The following SS18 variants were observed in gnomAD, a reference collection of about 807,000 sequenced individuals.
SS18 encodes protein SSXT.
In SS18, 28 loss-of-function variants were observed where a neutral mutation model predicts 72.5. The ratio of observed to expected loss-of-function variants is 0.39; its 90% CI spans 0.29 to 0.53. SS18 has a LOEUF of 0.53. Among genes scored for constraint, SS18 ranks in the 20% least tolerant of loss-of-function variants. The probability of loss-of-function intolerance (pLI) is 0.76; values close to 1 mark genes in which losing one functional copy is unlikely to be tolerated. For synonymous variants in SS18, 172 were observed against 164.2 expected (o/e 1.05, Z -0.37); for missense variants, 518 against 535.3 (o/e 0.97, Z 0.32).
chr18:26,050,435 AAATG>A (rs1195153462), intron 5 of SS18, among the ~76,000 whole-genome samples: 1 of 152,142 alleles, frequency 6.6e-6, no homozygotes, highest in Non-Finnish European at 1.5e-5. Flanking sequence ...TTTTATAATG[AAATG>A]AATATTAAAA....
At position 26,035,311 on chromosome 18, in the gene SS18, T is replaced by G; in HGVS notation, c.974-184A>C. On this transcript the variant is annotated intron_variant, in intron 8 of 10. Transcript: ENST00000415083. The surrounding 1 kb of genome is among the most constrained non-coding windows in gnomAD (Gnocchi z 4.4). ...GGATTTCGGCCAAACAAACTGCAGTTAAAGCCAATTTTGCAAGGTTGAACT... is the reference window on the plus strand; with the variant it reads ...GGATTTCGGCCAAACAAACTGCAGTGAAAGCCAATTTTGCAAGGTTGAACT... 7.4e-6 allele frequency: 5 copies of G among 676,802 alleles called. No homozygotes were observed. The highest frequency in any genetic ancestry group is 9.3e-6 in the Non-Finnish European group (4 of 432,074). The allele number at this position is 676,802 out of a possible 1,614,324, so 41.9% of individuals were successfully genotyped here.
At chr18:26,064,406 G>C (rs941684212) in intron 3 of SS18, among the ~76,000 whole-genome samples, 3 of 151,960 alleles carry the variant, frequency 2.0e-5, no homozygotes, top group African/African-American at 4.8e-5. Context: ...ATCAAATCCA[G>C]ACTTATTAAA....
At chr18:26,029,176 G>A (rs776647265) in intron 10 of SS18, among the ~76,000 whole-genome samples, 4 of 152,184 alleles carry the variant, frequency 2.6e-5, no homozygotes, top group South Asian at 2.1e-4. Flanking sequence ...CAGTGTGACT[G>A]AAGCAGAGTG....
chr18:26,057,123 A>G (rs997974512), intron 4 of SS18, among the ~76,000 whole-genome samples: 5 of 152,258 alleles, frequency 3.3e-5, no homozygotes, highest in African/African-American at 1.2e-4. Flanking sequence ...TTCAATATCA[A>G]TAAGGAAATA....
chr18:26,055,410 T>G (rs889256370), intron 4 of SS18, among the ~76,000 whole-genome samples: 6 of 151,840 alleles, frequency 4.0e-5, no homozygotes, highest in Admixed American at 2.0e-4. Context: ...GAGGTTGCAG[T>G]GAGCCGAGAT....
At chr18:26,088,615 G>T (rs74624603) in intron 1 of SS18, among the ~76,000 whole-genome samples, 3 of 152,190 alleles carry the variant, frequency 2.0e-5, no homozygotes, top group Admixed American at 2.0e-4. Context: ...TGGAGCTGAA[G>T]AAAGAGTACT....
chr18:26,054,354 C>T (rs1397615042), intron 4 of SS18, among the ~76,000 whole-genome samples: 1 of 152,010 alleles, frequency 6.6e-6, no homozygotes, highest in African/African-American at 2.4e-5. Flanking sequence ...TACCTTTAAC[C>T]CAGCAATTTC....
At chr18:26,088,535 A>G (rs2054656493) in intron 1 of SS18, among the ~76,000 whole-genome samples, 1 of 152,226 alleles carries the variant, frequency 6.6e-6, no homozygotes, top group South Asian at 2.1e-4. Flanking sequence ...ATACCGATTT[A>G]TCATTCTATC....
In SS18 at chr18:26,052,850, G is replaced by T; in HGVS notation, c.386-5C>A. The T allele has an allele frequency of 6.2e-7, 1 of 1,608,250 alleles. No individual in the cohort carries two copies. Among genetic ancestry groups the T allele is most frequent in the Non-Finnish European group, 8.5e-7 (1 of 1,175,514 alleles). On this transcript the variant is annotated splice_region_variant and splice_polypyrimidine_tract_variant and intron_variant, in intron 4 of 10. Coordinates refer to ENST00000415083, the MANE Select transcript of SS18 (RefSeq NM_001007559.3). ...GCATAGGCATATGGTTAGGCCCTTTGAAGAAAAATGATCAGAAGCAAAATA... is the reference window on the plus strand; with the variant it reads ...GCATAGGCATATGGTTAGGCCCTTTTAAGAAAAATGATCAGAAGCAAAATA...
rs1255222370 is a variant in SS18 at position 26,078,170 on chromosome 18, C to T, written c.147-10G>A. The T allele has an allele frequency of 1.3e-6, 2 of 1,594,994 alleles. No individual in the cohort carries two copies. The highest frequency in any genetic ancestry group is 1.7e-5 in the Admixed American group (1 of 59,108). ...CAACATCTGCTGATACCTATTAAAA[C>T]AAAACAAGTATCAGTATTAAAAAAT... On this transcript the variant is annotated splice_polypyrimidine_tract_variant and intron_variant, in intron 2 of 10. Transcript: ENST00000415083.
rs1568006424 is a variant in SS18, at chr18:26,049,274, TGTTG to T, written c.607+3346_607+3349del. Among the ~76,000 whole-genome samples the T allele has an allele frequency of 2.1e-3, 294 of 139,128 alleles. 1 individual carries two copies. The highest frequency in any genetic ancestry group is 9.5e-3 in the African/African-American group (289 of 30,270). The allele number at this position is 139,128 out of a possible 152,430, so 91.3% of individuals were successfully genotyped here. A position where few individuals can be genotyped will look rare whatever the true frequency, so the allele number is the denominator to read the frequency against. ...TGCCTTTTCATACACTGAATGTACTTGTTGATTAAATAAACATTTTTCAGACAGG... is the reference window on the plus strand; with the variant it reads ...TGCCTTTTCATACACTGAATGTACTTATTAAATAAACATTTTTCAGACAGG... On this transcript the variant is annotated intron_variant, in intron 5 of 10. Transcript: ENST00000415083.
intron 4 of SS18, among the ~76,000 whole-genome samples, chr18:26,055,869 TGCCTCA>T (rs2054011902): frequency 6.6e-6 from 1 of 151,370 alleles, no homozygotes; most frequent in African/African-American, 2.4e-5. Flanking sequence ...GTGATTCTCC[TGCCTCA>T]GCCTCCTGAG....
At chr18:26,085,593 A>T (rs1411165674) in intron 2 of SS18, among the ~76,000 whole-genome samples, 2 of 152,200 alleles carry the variant, frequency 1.3e-5, no homozygotes, top group Non-Finnish European at 2.9e-5. Context: ...TGTATGCATA[A>T]ATATGAATGC....
chr18:26,039,244 C>A (rs777963389), intron 6 of SS18, 45 bp downstream of exon 6: 1 of 1,462,488 alleles, frequency 6.8e-7, no homozygotes, highest in Non-Finnish European at 9.3e-7. Flanking sequence ...AAATTTAAAG[C>A]CTTTCAATTA....
chr18:26,090,370 C>T, intron 1 of SS18, 131 bp downstream of exon 1: 1 of 907,594 alleles, frequency 1.1e-6, no homozygotes, highest in Non-Finnish European at 1.7e-6. Context: ...TCCGTGTTCC[C>T]AAACACTGCT....
intron 9 of SS18, among the ~76,000 whole-genome samples, chr18:26,033,242 A>G (rs2053573465): frequency 6.6e-6 from 1 of 152,198 alleles, no homozygotes; most frequent in Admixed American, 6.5e-5. Flanking sequence ...GGCTTGGCGC[A>G]GTGGCTTACG....
At chr18:26,070,882 ATAGT>A in intron 3 of SS18, among the ~76,000 whole-genome samples, 1 of 152,230 alleles carries the variant, frequency 6.6e-6, no homozygotes, top group Middle Eastern at 3.2e-3. Context: ...ATCTCAAACT[ATAGT>A]TAGTAACATC....
intron 2 of SS18, among the ~76,000 whole-genome samples, chr18:26,080,077 T>C (rs1367502374): frequency 4.6e-5 from 7 of 152,216 alleles, no homozygotes; most frequent in African/African-American, 1.4e-4. Context: ...TGATACATCT[T>C]TGATAGTGAA....
chr18:26,089,945 C>G (rs1292751311), intron 1 of SS18: 1 of 153,024 alleles, frequency 6.5e-6, no homozygotes, highest in Non-Finnish European at 1.5e-5. Flanking sequence ...CCATGGGGAC[C>G]TTCCTTGCCC....
Sources: gnomAD v4.1 joint callset for allele counts (sites outside exome capture counted in the v4.1 genomes callset) on GRCh38, gnomAD v4.1.1 for gene constraint, Gnocchi (gnomAD v3.1) non-coding constraint, MANE v1.5 for transcripts, NCBI Gene and HGNC (gene_info 2026-07-23, HGNC 2026-07-21) for gene names.